Variants in KIF1A observed in about 807,000 individuals in gnomAD.
KIF1A encodes kinesin-like protein KIF1A.
Under a neutral mutation model 227.3 loss-of-function variants are expected in KIF1A, and 46 were observed. That is an observed-to-expected ratio of 0.20 (90% CI 0.16 to 0.26). The LOEUF is 0.26. KIF1A is among the 10% of genes least tolerant of loss of function. The probability of loss-of-function intolerance (pLI) is 1.00; values close to 1 mark genes in which losing one functional copy is unlikely to be tolerated. For synonymous variants in KIF1A, 1,022 were observed against 1,012.8 expected (o/e 1.01, Z -0.17); for missense variants, 1,683 against 2,485.9 (o/e 0.68, Z 6.87).
At position 240,717,284 on chromosome 2, in the gene KIF1A, CTG is replaced by C; in HGVS notation, c.*78_*79del. ...CGTGGGCTGTCTGGCAGGAGAGGGG[CTG>C]GGCGGCAGGTGACAGGACAGACGAG... On this transcript the variant is annotated 3_prime_UTR_variant, in exon 49 of 49. Transcript: ENST00000498729. 1 of 1,380,194 alleles carries C rather than the reference CTG, an allele frequency of 7.2e-7. No homozygotes were observed. Among genetic ancestry groups the C allele is most frequent in the Non-Finnish European group, 1.0e-6 (1 of 980,896 alleles). 85.5% of individuals were successfully genotyped at this position (1,380,194 alleles called of 1,614,324 possible). A position where few individuals can be genotyped will look rare whatever the true frequency, so the allele number is the denominator to read the frequency against.
At chr2:240,720,571 C>T (rs948790083) in intron 45 of KIF1A, 6 of 194,102 alleles carry the variant, frequency 3.1e-5, no homozygotes, top group Non-Finnish European at 6.4e-5. Context: ...CTCCACAATA[C>T]TGACTCTAAC....
chr2:240,805,007 G>T (rs929718321), intron 1 of KIF1A, among the ~76,000 whole-genome samples: 7 of 142,712 alleles, frequency 4.9e-5, no homozygotes, highest in Non-Finnish European at 7.6e-5. Flanking sequence ...GAGGAGAGAA[G>T]AAGGAAAGGG....
At chr2:240,798,763 G>A (rs145563079) in intron 1 of KIF1A, among the ~76,000 whole-genome samples, 1,750 of 152,318 alleles carry the variant, frequency 0.011, 20 homozygotes, top group Middle Eastern at 0.037. Context: ...GGGGCTCCTG[G>A]GCACAGGGAC....
Position 240,783,074 on chromosome 2 carries a change from C to A in KIF1A, c.834G>T (p.Leu278=). 1.2e-6 allele frequency: 2 copies of A among 1,613,792 alleles called. No homozygotes were observed. Among genetic ancestry groups the A allele is most frequent in the Non-Finnish European group, 8.5e-7 (1 of 1,179,840 alleles). ...CAGCCAGGGCGGAGATGACCTTGCC[C>A]AGGGTGGTCAGCGACTTGTTGATGT... ...GANINKSLTT[L]GKVISALAEM... Residue 278 remains leucine, a synonymous_variant, in exon 9 of 49, where the codon CTG becomes CTT. Coordinates refer to ENST00000498729, the MANE Select transcript of KIF1A (RefSeq NM_001244008.2).
At chr2:240,803,411 G>A (rs1216404343) in intron 1 of KIF1A, among the ~76,000 whole-genome samples, 1 of 152,190 alleles carries the variant, frequency 6.6e-6, no homozygotes, top group Non-Finnish European at 1.5e-5. Context: ...GCCTTGGGAG[G>A]GACCCAGGCT....
chr2:240,794,999 C>T (rs2056206165), intron 2 of KIF1A, among the ~76,000 whole-genome samples: 1 of 152,220 alleles, frequency 6.6e-6, no homozygotes, highest in South Asian at 2.1e-4. Context: ...AGTCCACGGC[C>T]CTTTCCTCCT....
intron 2 of KIF1A, among the ~76,000 whole-genome samples, chr2:240,791,708 C>T (rs2055727833): frequency 6.6e-6 from 1 of 152,214 alleles, no homozygotes; most frequent in Admixed American, 6.5e-5. Flanking sequence ...AGGTGGGGGC[C>T]CTCTGGGACA....
chr2:240,791,052 T>C (rs189715861), intron 2 of KIF1A, among the ~76,000 whole-genome samples: 1 of 151,872 alleles, frequency 6.6e-6, no homozygotes, highest in East Asian at 1.9e-4. Flanking sequence ...ATCCCAGGCC[T>C]GAGGATTTCT....
chr2:240,727,016 G>A (rs914620180), intron 38 of KIF1A, 76 bp from the exon 39 acceptor site: 1 of 825,524 alleles, frequency 1.2e-6, no homozygotes, highest in Non-Finnish European at 1.9e-6. Flanking sequence ...CATGCAGACA[G>A]ACAGAGCGAC....
intron 10 of KIF1A, among the ~76,000 whole-genome samples, chr2:240,776,309 C>T (rs949487486): frequency 4.6e-5 from 7 of 152,182 alleles, no homozygotes; most frequent in African/African-American, 1.4e-4. Context: ...ACACCATCAG[C>T]GACTCCTGAC....
rs772659848 is a variant in KIF1A, at chr2:240,745,749, G to A, written c.3363C>T (p.Phe1121=). Residue 1121 remains phenylalanine (F), a synonymous_variant, in exon 31 of 49, where the codon TTC becomes TTT. Coordinates refer to ENST00000498729, the MANE Select transcript of KIF1A (RefSeq NM_001244008.2). ...CAGCAGGGCCTCACTTGAACTGGCA[G>A]AAGATGTCGGCATATTCGGCAGAGA... ...SSISAEYADI[F]CQFNFIHRHD... 1.9e-6 allele frequency: 3 copies of A among 1,612,166 alleles called. No homozygotes were observed. The Admixed American group carries it at 5.0e-5, about 27-fold the overall frequency.
intron 13 of KIF1A, 95 bp from the exon 14 acceptor site, chr2:240,772,691 G>GGTGGCCAGCAGTGGGTGT (rs1421441204): frequency 9.6e-7 from 1 of 1,039,836 alleles, no homozygotes; most frequent in Admixed American, 2.1e-5. Context: ...CACAGGCCAG[G>GGTGGCCAGCAGTGGGTGT]GTGGCCAGCA....
At chr2:240,805,385 C>T (rs541537977) in intron 1 of KIF1A, among the ~76,000 whole-genome samples, 1 of 152,216 alleles carries the variant, frequency 6.6e-6, no homozygotes, top group East Asian at 1.9e-4. Context: ...ACTTAGCAGA[C>T]ATGCTAATCA....
chr2:240,720,194 G>A (rs1214614602), intron 45 of KIF1A: 17 of 364,892 alleles, frequency 4.7e-5, no homozygotes, highest in Non-Finnish European at 4.9e-5. Context: ...CCCACTCCAC[G>A]CCCTTCTCCC....
At chr2:240,771,212 A>T (rs772759480) in intron 14 of KIF1A, 108 bp from the exon 15 acceptor site, 3 of 1,342,726 alleles carry the variant, frequency 2.2e-6, no homozygotes, top group Non-Finnish European at 3.2e-6. Context: ...GGGCAGACAG[A>T]CAGAGGGAGG....
intron 18 of KIF1A, 25 bp downstream of exon 18, chr2:240,767,241 G>C: frequency 6.3e-7 from 1 of 1,589,214 alleles, no homozygotes; most frequent in Non-Finnish European, 8.6e-7. Context: ...GGCCAGGCTG[G>C]AGTGGCTGCC....
At position 240,757,124 on chromosome 2, in the gene KIF1A, G is replaced by A. The variant is rs558108748; in HGVS notation, c.2858+195C>T. Among the ~76,000 whole-genome samples, 1 of 152,236 alleles carries A rather than the reference G, an allele frequency of 6.6e-6. No individual in the cohort carries two copies. Among genetic ancestry groups the A allele is most frequent in the Non-Finnish European group, 1.5e-5 (1 of 68,036 alleles). On this transcript the variant is annotated intron_variant, in intron 27 of 48. Coordinates refer to ENST00000498729, the MANE Select transcript of KIF1A (RefSeq NM_001244008.2). This position sits in a 1 kb window ranked among gnomAD's most constrained non-coding sequence, Gnocchi z 6.2. ...GCCCAAAGCGACCGTCTCCAGGATG[G>A]GTGAGCAGCCCCACTGCAAGGATGC...
At chr2:240,734,914 G>A (rs557846541) in intron 38 of KIF1A, among the ~76,000 whole-genome samples, 2 of 152,264 alleles carry the variant, frequency 1.3e-5, no homozygotes, top group Admixed American at 6.5e-5. Flanking sequence ...ATGGAAAAGC[G>A]CATGGAAGGC....
In KIF1A at chr2:240,797,691, C is replaced by T. The variant is rs1242281258; in HGVS notation, c.62G>A (p.Ser21Asn). 6.2e-7 allele frequency: 1 copy of T among 1,613,012 alleles called. No homozygotes were observed. The highest frequency in any genetic ancestry group is 1.3e-5 in the African/African-American group (1 of 75,050). Residue 21 changes from serine (S) to asparagine (N), a missense_variant, in exon 2 of 49, where the codon AGC (serine) becomes AAC (asparagine). Transcript: ENST00000498729. Reference sequence around the variant, plus strand: ...CTGAATGATGCACTTGGAGTCACGGCTCATTTCCCGGGAATTGAAGGGGCG... The same window carrying T: ...CTGAATGATGCACTTGGAGTCACGGTTCATTTCCCGGGAATTGAAGGGGCG... Reference protein sequence around the residue: ...RVRPFNSREMSRDSKCIIQMS... With the variant: ...RVRPFNSREMNRDSKCIIQMS...
Sources: allele counts gnomAD v4.1 joint callset (sites outside exome capture counted in the v4.1 genomes callset), GRCh38; gene constraint gnomAD v4.1.1; non-coding constraint Gnocchi (gnomAD v3.1); transcripts MANE v1.5; gene names NCBI Gene and HGNC (gene_info 2026-07-23, HGNC 2026-07-21).